The following PCDHGB1 variants were observed in gnomAD, a reference collection of about 807,000 sequenced individuals.
The protein encoded by PCDHGB1 is protocadherin gamma subfamily B, 1.
Under a neutral mutation model 56.6 loss-of-function variants are expected in PCDHGB1, and 34 were observed. That is an observed-to-expected ratio of 0.60 (90% CI 0.46 to 0.80). The LOEUF (loss-of-function observed/expected upper bound fraction) is 0.80, where lower values mean the gene tolerates loss of function less well. Among genes scored for constraint, PCDHGB1 ranks in the 30% least tolerant of loss-of-function variants. The probability of loss-of-function intolerance (pLI) is 0.00; values close to 1 mark genes in which losing one functional copy is unlikely to be tolerated. For missense variants in PCDHGB1, 1,278 were observed against 1,204.6 expected (o/e 1.06, Z -0.90); for synonymous variants, 561 against 505.9 (o/e 1.11, Z -1.46).
intron 2 of PCDHGB1, among the ~76,000 whole-genome samples, chr5:141,499,326 C>G (rs1465474737): frequency 6.6e-6 from 1 of 152,156 alleles, no homozygotes; most frequent in Non-Finnish European, 1.5e-5. Flanking sequence ...TATCCCTGCT[C>G]TCTCTCAGTT....
chr5:141,370,835 C>G, intron 1 of PCDHGB1: 1 of 1,613,964 alleles, frequency 6.2e-7, no homozygotes, highest in East Asian at 2.2e-5. Flanking sequence ...AACTGGCTCT[C>G]ACTGGAGCCA....
intron 1 of PCDHGB1, chr5:141,423,421 G>A (rs772863950): frequency 1.2e-6 from 2 of 1,614,080 alleles, no homozygotes; most frequent in Non-Finnish European, 1.7e-6. Flanking sequence ...TTCTGAAGGC[G>A]GGTTGGCAGG....
chr5:141,463,904 T>C (rs1289422146), intron 1 of PCDHGB1, among the ~76,000 whole-genome samples: 3 of 152,214 alleles, frequency 2.0e-5, no homozygotes, highest in African/African-American at 4.8e-5. Context: ...TTTGTACTAA[T>C]AATATATCCT....
intron 1 of PCDHGB1, chr5:141,422,201 G>T (rs764621323): frequency 1.9e-6 from 3 of 1,562,386 alleles, no homozygotes; most frequent in Admixed American, 2.0e-5. Flanking sequence ...GGCCAAGATG[G>T]TGGAGGTCTC....
intron 1 of PCDHGB1, chr5:141,388,903 A>T: frequency 6.2e-7 from 1 of 1,614,010 alleles, no homozygotes; most frequent in Non-Finnish European, 8.5e-7. Flanking sequence ...GATGAAAATG[A>T]CAACGCCCCA....
chr5:141,363,164 T>A (rs113012267), intron 1 of PCDHGB1, among the ~76,000 whole-genome samples: 2 of 152,380 alleles, frequency 1.3e-5, no homozygotes, highest in South Asian at 2.1e-4. Context: ...AATCATTCTC[T>A]AACATGCATT....
At chr5:141,473,330 C>T (rs1431360397) in intron 1 of PCDHGB1, among the ~76,000 whole-genome samples, 2 of 152,208 alleles carry the variant, frequency 1.3e-5, no homozygotes, top group East Asian at 3.8e-4. Flanking sequence ...TAAGTGCCTG[C>T]TGTGCTAGAC....
intron 1 of PCDHGB1, chr5:141,389,448 C>T (rs895638491): frequency 1.2e-6 from 2 of 1,610,424 alleles, no homozygotes; most frequent in Non-Finnish European, 1.7e-6. Context: ...CGACCACGAG[C>T]AGCTGCGCGC....
At chr5:141,371,549 A>G in intron 1 of PCDHGB1, 1 of 1,613,886 alleles carries the variant, frequency 6.2e-7, no homozygotes, top group Non-Finnish European at 8.5e-7. Flanking sequence ...TCCTATGCCA[A>G]CTAAAAGGAA....
At chr5:141,444,205 CTT>C in intron 1 of PCDHGB1, among the ~76,000 whole-genome samples, 1 of 77,932 alleles carries the variant, frequency 1.3e-5, no homozygotes. Context: ...GAGTTTCACT[CTT>C]GTTGCCCAGG....
intron 1 of PCDHGB1, chr5:141,419,658 A>C: frequency 1.9e-6 from 3 of 1,612,782 alleles, no homozygotes; most frequent in Non-Finnish European, 2.5e-6. Context: ...GACTCGGGGC[A>C]CAATGCCTGG....
intron 1 of PCDHGB1, chr5:141,394,142 A>G (rs751602442): frequency 6.2e-7 from 1 of 1,613,996 alleles, no homozygotes; most frequent in Non-Finnish European, 8.5e-7. Flanking sequence ...TGCACGTGGC[A>G]GACATTAACG....
chr5:141,400,473 G>T (rs1196529035), intron 1 of PCDHGB1: 1 of 1,613,946 alleles, frequency 6.2e-7, no homozygotes, highest in Non-Finnish European at 8.5e-7. Context: ...ATTCATCTGG[G>T]GCCTTATTTC....
chr5:141,377,979 G>T (rs887213407), intron 1 of PCDHGB1: 4 of 152,086 alleles, frequency 2.6e-5, no homozygotes, highest in Non-Finnish European at 5.9e-5. Context: ...ATGTTCCTGG[G>T]TTGCAATCCT....
At chr5:141,390,003 C>T in intron 1 of PCDHGB1, 1 of 1,614,056 alleles carries the variant, frequency 6.2e-7, no homozygotes, top group Non-Finnish European at 8.5e-7. Flanking sequence ...GGCCATGATT[C>T]TGGCCATTGC....
At chr5:141,439,500 TTCTC>T (rs1399113868) in intron 1 of PCDHGB1, among the ~76,000 whole-genome samples, 9 of 152,246 alleles carry the variant, frequency 5.9e-5, no homozygotes, top group Admixed American at 2.0e-4. Context: ...AGAAACGTCT[TTCTC>T]TCTGCTCTCA....
At chr5:141,366,872 A>G in intron 1 of PCDHGB1, 1 of 1,396,140 alleles carries the variant, frequency 7.2e-7, no homozygotes, top group Non-Finnish European at 9.6e-7. Flanking sequence ...GCTGTATTGG[A>G]GATTAATTTT....
chr5:141,371,124 C>G, intron 1 of PCDHGB1: 1 of 1,613,998 alleles, frequency 6.2e-7, no homozygotes, highest in Non-Finnish European at 8.5e-7. Context: ...AGTATTTACT[C>G]AGGACATGTA....
At chr5:141,469,896 C>T (rs934040636) in intron 1 of PCDHGB1, among the ~76,000 whole-genome samples, 4 of 152,074 alleles carry the variant, frequency 2.6e-5, no homozygotes, top group Admixed American at 6.5e-5. Context: ...TTTGGGAAGC[C>T]GAGGCAGGCA....
Sources: allele counts gnomAD v4.1 joint callset (sites outside exome capture counted in the v4.1 genomes callset), GRCh38; gene constraint gnomAD v4.1.1; transcripts MANE v1.5; gene names NCBI Gene and HGNC (gene_info 2026-07-23, HGNC 2026-07-21).